HOMER1: variants seen among roughly 807,000 people sequenced by gnomAD.
The protein encoded by HOMER1 is homer protein homolog 1.
In HOMER1, 3 loss-of-function variants were observed where a neutral mutation model predicts 48.9. The ratio of observed to expected loss-of-function variants is 0.06; its 90% CI spans 0.03 to 0.16. The LOEUF (loss-of-function observed/expected upper bound fraction) is 0.16. Ranked by LOEUF, HOMER1 falls within the 10% of genes least tolerant of loss-of-function variation. The pLI is 1.00. For synonymous variants in HOMER1, 134 were observed against 146.4 expected, an observed-to-expected ratio of 0.92 and a Z score of 0.61; for missense variants, 247 against 411.4, an observed-to-expected ratio of 0.60 and a Z score of 3.46.
intron 1 of HOMER1, among the ~76,000 whole-genome samples, chr5:79,475,287 C>CGTATCCTGTCTGGCTCTAGAGCCT (rs1417608890): frequency 6.6e-6 from 1 of 152,024 alleles, no homozygotes; most frequent in Non-Finnish European, 1.5e-5. Flanking sequence ...CTCTAGAGCC[C>CGTATCCTGTCTGGCTCTAGAGCCT]GTATCTTTAT....
intron 8 of HOMER1, among the ~76,000 whole-genome samples, chr5:79,390,569 C>T (rs1749223396): frequency 6.6e-6 from 1 of 152,018 alleles, no homozygotes. Context: ...TATCAATAAA[C>T]ATGAATGAGT....
At chr5:79,463,959 C>A (rs1454162450) in intron 1 of HOMER1, among the ~76,000 whole-genome samples, 3 of 152,152 alleles carry the variant, frequency 2.0e-5, no homozygotes, top group African/African-American at 4.8e-5. Context: ...GAGGCAACCA[C>A]TAAAAGAAAT....
At position 79,464,531 on chromosome 5, in the gene HOMER1, T is replaced by C. The variant is rs73770424; in HGVS notation, c.6-7513A>G. Among the ~76,000 whole-genome samples the C allele has an allele frequency of 9.8e-3, 1,498 of 152,280 alleles. 21 individuals carry two copies. The highest frequency in any genetic ancestry group is 0.033 in the African/African-American group (1,391 of 41,544). On this transcript the variant is annotated intron_variant, in intron 1 of 8. Coordinates refer to ENST00000334082, the MANE Select transcript of HOMER1 (RefSeq NM_004272.5). ...GTTTCAGTGCCACTATGAAGTGGCA[T>C]AGCATGACTTTGGATGCAGCAGCTC...
intron 5 of HOMER1, among the ~76,000 whole-genome samples, chr5:79,404,858 C>T (rs112256457): frequency 0.026 from 3,697 of 140,644 alleles, 149 homozygotes; most frequent in African/African-American, 0.097. Flanking sequence ...ACCACCACGC[C>T]CAGCTATTTT....
intron 1 of HOMER1, among the ~76,000 whole-genome samples, chr5:79,459,785 G>A (rs1751265989): frequency 6.6e-6 from 1 of 152,184 alleles, no homozygotes. Context: ...GTAACTGACA[G>A]CTATGATAGA....
intron 5 of HOMER1, among the ~76,000 whole-genome samples, chr5:79,427,330 C>T (rs1750284383): frequency 6.6e-6 from 1 of 151,948 alleles, no homozygotes; most frequent in Admixed American, 6.6e-5. Context: ...TTAATAAGAA[C>T]ATGCTTTATA....
Position 79,476,677 on chromosome 5 carries a change from G to A in HOMER1, c.6-19659C>T, listed in dbSNP as rs1751787770. Reference sequence around the variant, plus strand: ...GAAATGTGTTGGGCAAAGTATGGGGGAAAGGGTGTGAAGCTTCCAGGCTCT... The same window carrying A: ...GAAATGTGTTGGGCAAAGTATGGGGAAAAGGGTGTGAAGCTTCCAGGCTCT... On this transcript the variant is annotated intron_variant, in intron 1 of 8. Transcript: ENST00000334082. 2.0e-5 allele frequency among the ~76,000 whole-genome samples: 3 copies of A among 152,146 alleles called. No individual in the cohort carries two copies. The South Asian group carries it at 6.2e-4, about 32-fold the overall frequency.
At chr5:79,506,376 T>C (rs1446740450) in intron 1 of HOMER1, among the ~76,000 whole-genome samples, 2 of 152,118 alleles carry the variant, frequency 1.3e-5, no homozygotes, top group Non-Finnish European at 2.9e-5. Flanking sequence ...TCTCAGACAT[T>C]TCATGAAGGA....
At chr5:79,481,275 A>G (rs1751936903) in intron 1 of HOMER1, among the ~76,000 whole-genome samples, 1 of 152,220 alleles carries the variant, frequency 6.6e-6, no homozygotes, top group Non-Finnish European at 1.5e-5. Context: ...GGAGTACCAG[A>G]TCTATCCTTC....
chr5:79,406,080 G>A (rs1451511710), intron 5 of HOMER1, among the ~76,000 whole-genome samples: 1 of 152,130 alleles, frequency 6.6e-6, no homozygotes, highest in African/African-American at 2.4e-5. Context: ...AGTTAATACC[G>A]ATTGGCAGAA....
chr5:79,464,815 T>G (rs140214927), intron 1 of HOMER1, among the ~76,000 whole-genome samples: 7 of 152,194 alleles, frequency 4.6e-5, no homozygotes, highest in African/African-American at 1.7e-4. Context: ...ATACATACAA[T>G]GTTCTTTTTT....
chr5:79,377,557 G>A (rs1446512695), intron 8 of HOMER1, among the ~76,000 whole-genome samples: 1 of 143,860 alleles, frequency 7.0e-6, no homozygotes, highest in East Asian at 2.3e-4. Flanking sequence ...AAAATATCTT[G>A]ATGTTAGTTA....
intron 7 of HOMER1, 87 bp from the exon 8 acceptor site, chr5:79,396,990 TC>T: frequency 1.4e-6 from 1 of 699,396 alleles, no homozygotes; most frequent in Non-Finnish European, 2.4e-6. Flanking sequence ...TTGTTCTAGT[TC>T]TTAGAAAAAG....
At chr5:79,436,127 C>T (rs1411502936) in intron 5 of HOMER1, among the ~76,000 whole-genome samples, 1 of 137,316 alleles carries the variant, frequency 7.3e-6, no homozygotes, top group Non-Finnish European at 1.5e-5. Flanking sequence ...AGCGAGACTC[C>T]GTCTCAAAAA....
chr5:79,465,370 T>C (rs902241949), intron 1 of HOMER1, among the ~76,000 whole-genome samples: 51 of 152,132 alleles, frequency 3.4e-4, no homozygotes, highest in African/African-American at 1.1e-3. Context: ...TGATCTGAAT[T>C]CCTTGATCTT....
chr5:79,437,038 A>G (rs1193931209), intron 5 of HOMER1, among the ~76,000 whole-genome samples: 1 of 152,206 alleles, frequency 6.6e-6, no homozygotes, highest in Non-Finnish European at 1.5e-5. Flanking sequence ...CAAAGCAGCT[A>G]TGTACTTCAA....
Position 79,440,795 on chromosome 5 carries a change from A to G in HOMER1, c.388-1646T>C, listed in dbSNP as rs557200505. Among the ~76,000 whole-genome samples, 42 of 152,358 alleles carry G rather than the reference A, an allele frequency of 2.8e-4. No homozygotes were observed. The South Asian group carries it at 8.1e-3, about 29-fold the overall frequency. On this transcript the variant is annotated intron_variant, in intron 4 of 8. Coordinates refer to ENST00000334082, the MANE Select transcript of HOMER1 (RefSeq NM_004272.5). ...CCAAGACAGGCCAAGCCAAACTAAA[A>G]TAATGAAAGGTTGAATGTGCAACCT... is the stretch of plus-strand genomic sequence containing the variant.
At chr5:79,499,897 A>G (rs967179167) in intron 1 of HOMER1, among the ~76,000 whole-genome samples, 1 of 152,138 alleles carries the variant, frequency 6.6e-6, no homozygotes, top group Non-Finnish European at 1.5e-5. Context: ...GTTCTTGCAT[A>G]TTTTTCATCC....
chr5:79,400,335 A>C (rs1442791794), intron 6 of HOMER1, among the ~76,000 whole-genome samples: 1 of 151,424 alleles, frequency 6.6e-6, no homozygotes, highest in African/African-American at 2.4e-5. Context: ...ACTCTGTCTC[A>C]ACTGCATTTC....
Sources: allele counts gnomAD v4.1 joint callset (sites outside exome capture counted in the v4.1 genomes callset), GRCh38; gene constraint gnomAD v4.1.1; transcripts MANE v1.5; gene names NCBI Gene and HGNC (gene_info 2026-07-23, HGNC 2026-07-21).